PUS7: variants seen among roughly 807,000 people sequenced by gnomAD.
PUS7 encodes pseudouridine synthase 7.
A neutral mutation model predicts 79.8 loss-of-function variants in PUS7; 48 were observed. That is an observed-to-expected ratio of 0.60 (90% confidence interval 0.48 to 0.76). PUS7 has a LOEUF of 0.76. Among genes scored for constraint, PUS7 ranks in the 30% least tolerant of loss-of-function variants. The pLI, the probability that PUS7 is intolerant of heterozygous loss-of-function variation, is 0.00. For synonymous variants in PUS7, 286 were observed against 272.2 expected (o/e 1.05, Z -0.50); for missense variants, 729 against 797.6 (o/e 0.91, Z 1.04).
chr7:105,498,599 G>A (rs1412177203), intron 5 of PUS7, among the ~76,000 whole-genome samples: 1 of 152,178 alleles, frequency 6.6e-6, no homozygotes, highest in African/African-American at 2.4e-5. Flanking sequence ...GTTTCTAGCT[G>A]AGAAAGATGA....
intron 5 of PUS7, 116 bp downstream of exon 5, chr7:105,502,304 A>T: frequency 7.8e-7 from 1 of 1,285,960 alleles, no homozygotes; most frequent in Non-Finnish European, 1.1e-6. Flanking sequence ...CATGATCAAT[A>T]TTGTTCTCTG....
Position 105,506,251 on chromosome 7 carries a change from C to A in PUS7, c.421G>T (p.Glu141Ter). 1 of 1,612,874 alleles carries A rather than the reference C, an allele frequency of 6.2e-7. No homozygotes were observed. The highest frequency in any genetic ancestry group is 8.5e-7 in the Non-Finnish European group (1 of 1,179,436). The stretch of plus-strand genomic sequence containing the variant: ...CTGATCCGTCCATCTTTTCCTATTT[C>A]ATGAACAACGAAGTCGGAGTATCTG... ...KERYSDFVVH[E>*]IGKDGRISHL... Residue 141 changes from glutamate (E) to a stop codon, truncating the protein, a stop_gained, in exon 3 of 16, where the codon GAA (glutamate) becomes TAA (stop). Transcript: ENST00000469408. LOFTEE classifies it high-confidence loss of function.
Position 105,465,431 on chromosome 7 carries a change from G to T in PUS7, c.1526-17C>A. Reference sequence around the variant, plus strand: ...TGGCTGTGGCTGTAAATTCACAAGTGAACAATAAATTAAGAAAATAGGCAA... The same window carrying T: ...TGGCTGTGGCTGTAAATTCACAAGTTAACAATAAATTAAGAAAATAGGCAA... On this transcript the variant is annotated splice_polypyrimidine_tract_variant and intron_variant, in intron 12 of 15. Coordinates refer to ENST00000469408, the MANE Select transcript of PUS7 (RefSeq NM_019042.5). 1 of 1,541,468 alleles carries T rather than the reference G, an allele frequency of 6.5e-7. No individual in the cohort carries two copies. The highest frequency in any genetic ancestry group is 1.1e-5 in the South Asian group (1 of 87,974).
chr7:105,470,872 T>C, intron 10 of PUS7, 24 bp from the exon 11 acceptor site: 1 of 1,554,260 alleles, frequency 6.4e-7, no homozygotes, highest in East Asian at 2.3e-5. Flanking sequence ...AAGCTAGGGT[T>C]AAATGACTTA....
Position 105,457,934 on chromosome 7 carries a change from G to T in PUS7, c.1850-8C>A, listed in dbSNP as rs750854601. 90 of 1,611,494 alleles carry T rather than the reference G, an allele frequency of 5.6e-5. No individual in the cohort carries two copies. Among genetic ancestry groups the T allele is most frequent in the Non-Finnish European group, 7.0e-5 (83 of 1,179,010 alleles). On this transcript the variant is annotated splice_polypyrimidine_tract_variant and splice_region_variant and intron_variant, in intron 15 of 15. Transcript: ENST00000469408. ...GAGCCCTGTATTTGCCTTCTGCAAG[G>T]CAAGAAAGAAAACAGTCAGAAAATG...
rs570909083 is a variant in PUS7, at chr7:105,496,034, C to T, written c.731-781G>A. 2.3e-3 allele frequency among the ~76,000 whole-genome samples: 346 copies of T among 151,848 alleles called. 1 individual carries two copies. Among genetic ancestry groups the T allele is most frequent in the Admixed American group, 3.1e-3 (47 of 15,236 alleles). On this transcript the variant is annotated intron_variant, in intron 5 of 15. Transcript: ENST00000469408. ...AATTAGCTGGGCATTGTGGCGAGTG[C>T]CTGTAATTCCAGCTACTTGGGAGGC...
Position 105,457,885 on chromosome 7 carries a change from G to T in PUS7, c.1891C>A (p.Pro631Thr), listed in dbSNP as rs772966637. 8.1e-6 allele frequency: 13 copies of T among 1,613,906 alleles called. No individual in the cohort carries two copies. The highest frequency in any genetic ancestry group is 1.1e-5 in the South Asian group (1 of 91,078). Residue 631 changes from proline to threonine, a missense_variant, in exon 16 of 16, where the codon CCT (proline) becomes ACT (threonine). By Grantham distance (38) the Pro-to-Thr change is conservative. Transcript: ENST00000469408. Reference protein sequence around the residue: ...RALKMDFSLPPSTYATMAIRE... With the variant: ...RALKMDFSLPTSTYATMAIRE... Reference sequence around the variant, plus strand: ...ATGGCCATGGTGGCGTAAGTAGAAGGGGGTAGAGAAAAATCCATTTTCAGA... The same window carrying T: ...ATGGCCATGGTGGCGTAAGTAGAAGTGGGTAGAGAAAAATCCATTTTCAGA...
At position 105,491,623 on chromosome 7, in the gene PUS7, AAGAG is replaced by A. The variant is rs746925577; in HGVS notation, c.843-10_843-7del. 1.3e-6 allele frequency: 2 copies of A among 1,529,812 alleles called. No individual in the cohort carries two copies. The highest frequency in any genetic ancestry group is 1.8e-6 in the Non-Finnish European group (2 of 1,104,796). The allele number at this position is 1,529,812 out of a possible 1,614,324, so 94.8% of individuals were successfully genotyped here. On this transcript the variant is annotated splice_region_variant and splice_polypyrimidine_tract_variant and intron_variant, in intron 6 of 15. Coordinates refer to ENST00000469408, the MANE Select transcript of PUS7 (RefSeq NM_019042.5). ...AGAATATATTTGGCTTGACTCTGGT[AAGAG>A]AGAAACAAGATCATCTGAAGTCACA...
At chr7:105,486,871 C>T (rs1161443284) in intron 7 of PUS7, among the ~76,000 whole-genome samples, 1 of 151,792 alleles carries the variant, frequency 6.6e-6, no homozygotes, top group African/African-American at 2.4e-5. Context: ...ACCAGCCTGG[C>T]CATCCTGGTG....
intron 5 of PUS7, among the ~76,000 whole-genome samples, chr7:105,495,896 T>G (rs989350718): frequency 6.6e-6 from 1 of 152,018 alleles, no homozygotes; most frequent in African/African-American, 2.4e-5. Flanking sequence ...TGTAATCCCA[T>G]GCACTGTAAT....
Position 105,491,539 on chromosome 7 carries a change from C to G in PUS7, c.920+1G>C. 6.4e-7 allele frequency: 1 copy of G among 1,567,626 alleles called. No individual in the cohort carries two copies. On this transcript the variant is annotated splice_donor_variant, in intron 7 of 15. Coordinates refer to ENST00000469408, the MANE Select transcript of PUS7 (RefSeq NM_019042.5). LOFTEE classifies it high-confidence loss of function. ...AATCCTGTTACGTGCTCTCTACTTACTTGAGAACAGCAATTTCTTGAACTG... is the reference window on the plus strand; with the variant it reads ...AATCCTGTTACGTGCTCTCTACTTAGTTGAGAACAGCAATTTCTTGAACTG...
rs1420898612 is a variant in PUS7 at position 105,459,278 on chromosome 7, A to C, written c.1758-19T>G. On this transcript the variant is annotated intron_variant, in intron 14 of 15. Coordinates refer to ENST00000469408, the MANE Select transcript of PUS7 (RefSeq NM_019042.5). ...GACTTCCCTTCAAAACATATGAATAAAGATAAGTGTGAATGTGAACTTTCA... is the reference window on the plus strand; with the variant it reads ...GACTTCCCTTCAAAACATATGAATACAGATAAGTGTGAATGTGAACTTTCA... The C allele has an allele frequency of 6.5e-7, 1 of 1,540,594 alleles. No homozygotes were observed.
At chr7:105,480,236 C>T (rs1029519417) in intron 9 of PUS7, among the ~76,000 whole-genome samples, 1 of 152,052 alleles carries the variant, frequency 6.6e-6, no homozygotes, top group East Asian at 1.9e-4. Flanking sequence ...CTTTGGGAGG[C>T]TGAGGTAGGC....
chr7:105,490,743 A>C (rs1393475378), intron 7 of PUS7, among the ~76,000 whole-genome samples: 5 of 152,194 alleles, frequency 3.3e-5, no homozygotes, highest in African/African-American at 9.6e-5. Context: ...TGGAAAAAAC[A>C]ATCCTAAATC....
chr7:105,502,257 T>A (rs905967063), intron 5 of PUS7, among the ~76,000 whole-genome samples, 163 bp downstream of exon 5: 6 of 152,120 alleles, frequency 3.9e-5, no homozygotes, highest in African/African-American at 1.4e-4. Context: ...TGCGCTGGCA[T>A]CTGAAGTGAC....
chr7:105,464,477 G>A lies in PUS7; in HGVS notation c.1627+836C>T, dbSNP rs182142895. ...TCAAGGTGGGCACACACCTCCAGTC[G>A]GCTGGGGGCCTGGATGGAACATAAA... On this transcript the variant is annotated intron_variant, in intron 13 of 15. Coordinates refer to ENST00000469408, the MANE Select transcript of PUS7 (RefSeq NM_019042.5). 2.2e-4 allele frequency among the ~76,000 whole-genome samples: 33 copies of A among 152,256 alleles called. No individual in the cohort carries two copies. In the East Asian group the frequency reaches 3.9e-3, roughly 18 times the overall value.
At chr7:105,467,062 T>A (rs868418850) in intron 12 of PUS7, among the ~76,000 whole-genome samples, 2 of 98,676 alleles carry the variant, frequency 2.0e-5, no homozygotes, top group South Asian at 3.2e-4. Context: ...TTTTTTTTTT[T>A]AACTAGCTGT....
chr7:105,471,353 G>C (rs1586103716), intron 10 of PUS7, among the ~76,000 whole-genome samples: 1 of 152,088 alleles, frequency 6.6e-6, no homozygotes, highest in East Asian at 1.9e-4. Context: ...AGGTGTTTTT[G>C]CCAAGTTTTT....
intron 1 of PUS7, among the ~76,000 whole-genome samples, chr7:105,513,778 C>T (rs1253161259): frequency 5.8e-5 from 8 of 138,898 alleles, no homozygotes; most frequent in African/African-American, 8.0e-5. Flanking sequence ...GCGGAGCTTG[C>T]GGTGAGCCGA....
Sources: gnomAD v4.1 joint callset for allele counts (sites outside exome capture counted in the v4.1 genomes callset) on GRCh38, gnomAD v4.1.1 for gene constraint, MANE v1.5 for transcripts, NCBI Gene and HGNC (gene_info 2026-07-23, HGNC 2026-07-21) for gene names.